The following DGKA variants were observed in gnomAD, a reference collection of about 807,000 sequenced individuals.
DGKA encodes 80 kDa diacylglycerol kinase.
Under a neutral mutation model 105.0 loss-of-function variants are expected in DGKA, and 35 were observed. That is an observed-to-expected ratio of 0.33 (90% CI 0.25 to 0.44). DGKA has a LOEUF of 0.44. DGKA is among the 20% of genes least tolerant of loss of function. The pLI is 1.00. For missense variants in DGKA, 665 were observed against 915.0 expected, an observed-to-expected ratio of 0.73 and a Z score of 3.53; for synonymous variants, 296 against 332.0, an observed-to-expected ratio of 0.89 and a Z score of 1.18.
Position 55,952,039 on chromosome 12 carries a change from C to T in DGKA, c.1592C>T (p.Ala531Val). The T allele has an allele frequency of 6.2e-7, 1 of 1,614,046 alleles. No homozygotes were observed. Residue 531 changes from alanine to valine, a missense_variant, in exon 19 of 24, where the codon GCC becomes GTC. By Grantham distance (64) the Ala-to-Val change is moderately conservative. Coordinates refer to ENST00000331886, the MANE Select transcript of DGKA (RefSeq NM_001345.5). The surrounding 1 kb of genome is among the most constrained non-coding windows in gnomAD (Gnocchi z 5.1). ...INNYFSIGVD[A>V]SIAHRFHIMR... The stretch of plus-strand genomic sequence containing the variant: ...TTCATGTCCCGAACTCTCCAGGATG[C>T]CTCTATTGCTCATCGATTCCACATC...
At chr12:55,949,807 CTTTTTTG>C (rs1041649647) in intron 17 of DGKA, among the ~76,000 whole-genome samples, 6 of 151,810 alleles carry the variant, frequency 4.0e-5, no homozygotes, top group Admixed American at 6.6e-5. Context: ...CACATTTTTC[CTTTTTTG>C]TTTTTTGTTT....
chr12:55,952,445 G>A lies in DGKA; in HGVS notation c.1743+14G>A. The A allele has an allele frequency of 6.2e-7, 1 of 1,611,966 alleles. No homozygotes were observed. The highest frequency in any genetic ancestry group is 8.5e-7 in the Non-Finnish European group (1 of 1,178,130). On this transcript the variant is annotated intron_variant, in intron 20 of 23. Coordinates refer to ENST00000331886, the MANE Select transcript of DGKA (RefSeq NM_001345.5). The surrounding 1 kb of genome is among the most constrained non-coding windows in gnomAD (Gnocchi z 5.1). The stretch of plus-strand genomic sequence containing the variant: ...TTGACAGTTGAGGTGTGTGTAATAA[G>A]ACTTAACCCTACATCCTTTTCAGCT...
chr12:55,937,694 G>T, intron 4 of DGKA, 151 bp downstream of exon 4: 1 of 1,082,088 alleles, frequency 9.2e-7, no homozygotes, highest in Non-Finnish European at 1.3e-6. Flanking sequence ...GCTAAAGGGA[G>T]GAAAGGTAAA....
chr12:55,931,573 C>G (rs947538868), intron 1 of DGKA: 6 of 152,566 alleles, frequency 3.9e-5, no homozygotes, highest in African/African-American at 1.4e-4. Flanking sequence ...GTTTGGGACT[C>G]TGGGCTTGCC....
At position 55,953,414 on chromosome 12, in the gene DGKA, A is replaced by G. The variant is rs1294170631; in HGVS notation, c.2124+4A>G. 6.2e-7 allele frequency: 1 copy of G among 1,613,840 alleles called. No homozygotes were observed. Among genetic ancestry groups the G allele is most frequent in the Non-Finnish European group, 8.5e-7 (1 of 1,179,942 alleles). On this transcript the variant is annotated splice_donor_region_variant and intron_variant, in intron 23 of 23. Transcript: ENST00000331886. ...CTGGATGCAGACGCCCTGTACAGTG[A>G]GTATTGACGATCCCAGCCAAAAATT...
chr12:55,939,126 G>C, intron 7 of DGKA, 60 bp from the exon 8 acceptor site: 1 of 1,606,224 alleles, frequency 6.2e-7, no homozygotes, highest in Non-Finnish European at 8.5e-7. Flanking sequence ...AGAGGCAGTG[G>C]AGAGGTGTTG....
chr12:55,947,780 A>T (rs1239774776), intron 17 of DGKA, among the ~76,000 whole-genome samples: 1 of 152,068 alleles, frequency 6.6e-6, no homozygotes, highest in African/African-American at 2.4e-5. Context: ...GAATATGAAC[A>T]TTTTTATTTT....
chr12:55,936,269 G>C, intron 1 of DGKA, 154 bp from the exon 2 acceptor site: 1 of 842,522 alleles, frequency 1.2e-6, no homozygotes, highest in Non-Finnish European at 1.7e-6. Flanking sequence ...ATAGGGAAGA[G>C]GGACACAGGG....
At position 55,940,070 on chromosome 12, in the gene DGKA, C is replaced by T. The variant is rs1885580531; in HGVS notation, c.710-12C>T. 2 of 1,613,588 alleles carry T rather than the reference C, an allele frequency of 1.2e-6. No homozygotes were observed. The highest frequency in any genetic ancestry group is 1.3e-5 in the African/African-American group (1 of 74,926). ...CTCAGCTAAGCCTCCCAACTTCTTC[C>T]TTCTCCCTCAGTCTGTAAGTACACT... On this transcript the variant is annotated splice_polypyrimidine_tract_variant and intron_variant, in intron 9 of 23. Transcript: ENST00000331886. The surrounding 1 kb of genome is among the most constrained non-coding windows in gnomAD (Gnocchi z 4.3).
At position 55,952,204 on chromosome 12, in the gene DGKA, T is replaced by TC; in HGVS notation, c.1652+111dup. 2.0e-6 allele frequency: 3 copies of TC among 1,537,344 alleles called. No homozygotes were observed. Among genetic ancestry groups the TC allele is most frequent in the Non-Finnish European group, 2.7e-6 (3 of 1,112,520 alleles). On this transcript the variant is annotated intron_variant, in intron 19 of 23. Transcript: ENST00000331886. The surrounding 1 kb of genome is among the most constrained non-coding windows in gnomAD (Gnocchi z 5.1). ...GAAGAACAGTGGCACCTCTAGGAGGTCCCCCCAACCAAAGCCACCCTTGTT... is the reference window on the plus strand; with the variant it reads ...GAAGAACAGTGGCACCTCTAGGAGGTCCCCCCCAACCAAAGCCACCCTTGTT...
chr12:55,931,213 C>G lies in DGKA; in HGVS notation c.-213C>G, dbSNP rs1264677424. 1 of 152,226 alleles carries G rather than the reference C, an allele frequency of 6.6e-6. No individual in the cohort carries two copies. Among genetic ancestry groups the G allele is most frequent in the African/African-American group, 2.4e-5 (1 of 41,406 alleles). The allele number at this position is 152,226 out of a possible 1,614,324, so 9.4% of individuals were successfully genotyped here. A position where few individuals can be genotyped will look rare whatever the true frequency, so the allele number is the denominator to read the frequency against. ...TCCATCTCTCTCCCTTGCTGTACCA[C>G]CTTCACCACCATCCATGCGACCCCA... On this transcript the variant is annotated 5_prime_UTR_variant, in exon 1 of 24. Transcript: ENST00000331886.
chr12:55,939,248 G>A lies in DGKA; in HGVS notation c.537G>A (p.Glu179=). The A allele has an allele frequency of 6.2e-7, 1 of 1,614,240 alleles. No individual in the cohort carries two copies. ...GCAGTGGCTCTGTCTCTCAAGCTGA[G>A]TGGGTCCGGGCTGGGGCCACCACCG... ...YDGSGSVSQA[E]WVRAGATTVP... The change falls in exon 8 of 24, where the codon GAG becomes GAA. Residue 179 remains glutamate (E), a synonymous_variant. Transcript: ENST00000331886.
Position 55,952,428 on chromosome 12 carries a change from T to G in DGKA, c.1740T>G (p.Val580=). 6.2e-7 allele frequency: 1 copy of G among 1,614,044 alleles called. No individual in the cohort carries two copies. Among genetic ancestry groups the G allele is most frequent in the Non-Finnish European group, 8.5e-7 (1 of 1,179,910 alleles). Residue 580 remains valine (V), a synonymous_variant, in exon 20 of 24, where the codon GTT becomes GTG. Coordinates refer to ENST00000331886, the MANE Select transcript of DGKA (RefSeq NM_001345.5). The surrounding 1 kb of genome is among the most constrained non-coding windows in gnomAD (Gnocchi z 5.1). The part of the protein sequence containing the change: ...TCKKLEESLT[V]EICGKPLDLS... The stretch of plus-strand genomic sequence containing the variant: ...AAAAGCTGGAGGAGTCTTTGACAGT[T>G]GAGGTGTGTGTAATAAGACTTAACC...
Position 55,939,285 on chromosome 12 carries a change from G to T in DGKA, c.574G>T (p.Val192Leu), listed in dbSNP as rs1181895326. The T allele has an allele frequency of 6.2e-7, 1 of 1,614,112 alleles. No individual in the cohort carries two copies. The highest frequency in any genetic ancestry group is 8.5e-7 in the Non-Finnish European group (1 of 1,179,972). ...RAGATTVPLL[V>L]LLGLEMTLKD... ...TGGGGCCACCACCGTGCCACTGCTA[G>T]TGCTGCTGGGTCTGGAGATGGTGAG... Residue 192 changes from valine (V) to leucine (L), a missense_variant, in exon 8 of 24, where the codon GTG (valine) becomes TTG (leucine). Transcript: ENST00000331886.
chr12:55,938,954 G>A lies in DGKA; in HGVS notation c.439G>A (p.Glu147Lys), dbSNP rs763109813. The A allele has an allele frequency of 7.4e-6, 12 of 1,614,100 alleles. No homozygotes were observed. Among genetic ancestry groups the A allele is most frequent in the Non-Finnish European group, 1.0e-5 (12 of 1,180,058 alleles). The change falls in exon 7 of 24, where the codon GAA becomes AAA. Residue 147 changes from glutamate (E) to lysine (K), a missense_variant. By Grantham distance (56) the Glu-to-Lys change is moderately conservative (BLOSUM62 1). Transcript: ENST00000331886. ...TATCCTACAGATGATGCGAGTGGCTGAATACCTGGATTGGGATGTGTCTGA... is the reference window on the plus strand; with the variant it reads ...TATCCTACAGATGATGCGAGTGGCTAAATACCTGGATTGGGATGTGTCTGA... ...KIILQMMRVA[E>K]YLDWDVSELR...
intron 7 of DGKA, 35 bp downstream of exon 7, chr12:55,939,024 C>T: frequency 6.2e-7 from 1 of 1,613,548 alleles, no homozygotes; most frequent in African/African-American, 1.3e-5. Context: ...CCTTCTTGTA[C>T]CTTCTTCCCT....
chr12:55,951,945 G>A (rs916564353), intron 18 of DGKA, 90 bp from the exon 19 acceptor site: 11 of 1,544,876 alleles, frequency 7.1e-6, no homozygotes, highest in Non-Finnish European at 9.8e-6. Context: ...GGGACATGCT[G>A]TGGGGAGCAG....
chr12:55,941,514 C>A lies in DGKA; in HGVS notation c.1180C>A (p.Leu394Ile), dbSNP rs768453896. The change falls in exon 15 of 24, where the codon CTC (leucine) becomes ATC (isoleucine). Residue 394 changes from leucine to isoleucine, a missense_variant. Physicochemically the swap from Leu to Ile is conservative, Grantham distance 5. Coordinates refer to ENST00000331886, the MANE Select transcript of DGKA (RefSeq NM_001345.5). The stretch of plus-strand genomic sequence containing the variant: ...TTTTCTTTTTCCCACACACAGGGTG[C>A]TCTGGAAGTTCCAGTATATATTAAA... ...KSGGKQGQRVLWKFQYILNPR... is the reference protein window; with the variant it reads ...KSGGKQGQRVIWKFQYILNPR... The A allele has an allele frequency of 6.2e-7, 1 of 1,614,154 alleles. No individual in the cohort carries two copies. The highest frequency in any genetic ancestry group is 8.5e-7 in the Non-Finnish European group (1 of 1,180,030).
chr12:55,951,683 A>G lies in DGKA; in HGVS notation c.1487A>G (p.His496Arg), dbSNP rs1371387214. 1.2e-6 allele frequency: 2 copies of G among 1,614,012 alleles called. No individual in the cohort carries two copies. The highest frequency in any genetic ancestry group is 1.1e-5 in the South Asian group (1 of 91,094). The change falls in exon 18 of 24, where the codon CAT becomes CGT. Residue 496 changes from histidine (H) to arginine (R), a missense_variant. Coordinates refer to ENST00000331886, the MANE Select transcript of DGKA (RefSeq NM_001345.5). The part of the protein sequence containing the change: ...LKDLEMSKVV[H>R]MDRWSVEVIP... Reference sequence around the variant, plus strand: ...GATTTAGAGATGAGTAAAGTGGTACATATGGATCGATGGTCTGTGGAGGTG... The same window carrying G: ...GATTTAGAGATGAGTAAAGTGGTACGTATGGATCGATGGTCTGTGGAGGTG...
Sources: gnomAD v4.1 joint callset for allele counts (sites outside exome capture counted in the v4.1 genomes callset) on GRCh38, gnomAD v4.1.1 for gene constraint, Gnocchi (gnomAD v3.1) non-coding constraint, MANE v1.5 for transcripts, NCBI Gene and HGNC (gene_info 2026-07-23, HGNC 2026-07-21) for gene names.